Variants in EDN1 observed in about 807,000 individuals in gnomAD.
EDN1 encodes endothelin-1.
In EDN1, 11 loss-of-function variants were observed where a neutral mutation model predicts 21.7. The ratio of observed to expected loss-of-function variants is 0.51; its 90% confidence interval spans 0.32 to 0.84. The LOEUF is 0.84. Ranked by LOEUF, EDN1 falls within the 40% of genes least tolerant of loss-of-function variation. EDN1 has a pLI of 0.03. For missense variants in EDN1, 244 were observed against 262.3 expected (o/e 0.93, Z 0.48); for synonymous variants, 85 against 90.6 (o/e 0.94, Z 0.35).
chr6:12,251,662 T>C, the EDN1 span, among the ~76,000 whole-genome samples: 2 of 152,194 alleles, frequency 1.3e-5, no homozygotes, highest in Admixed American at 6.5e-5. Flanking sequence ...CAAAACTGGC[T>C]GAAATCTTTT....
chr6:12,286,646 G>T (rs1416133725), upstream of EDN1, among the ~76,000 whole-genome samples: 1 of 152,214 alleles, frequency 6.6e-6, no homozygotes, highest in East Asian at 1.9e-4. Context: ...TTACGCAAAA[G>T]TTGAGAAAGG....
chr6:12,291,502 A>T (rs897203813), intron 1 of EDN1, among the ~76,000 whole-genome samples: 1 of 152,152 alleles, frequency 6.6e-6, no homozygotes, highest in Non-Finnish European at 1.5e-5. Context: ...AAGAGAAAGG[A>T]TGTCAAGGGA....
intron 4 of EDN1, 138 bp downstream of exon 4, chr6:12,294,542 T>C: frequency 1.1e-6 from 1 of 936,508 alleles, no homozygotes. Flanking sequence ...AGAGGAGATC[T>C]ATGCATCCTA....
chr6:12,263,766 G>T, the EDN1 span, among the ~76,000 whole-genome samples: 1 of 152,014 alleles, frequency 6.6e-6, no homozygotes, highest in East Asian at 1.9e-4. Context: ...TTTCTGAGTG[G>T]CTTCTTAATT....
chr6:12,276,528 G>C, the EDN1 span, among the ~76,000 whole-genome samples: 1 of 152,222 alleles, frequency 6.6e-6, no homozygotes. Context: ...GGTGTAATAA[G>C]TGTTATGCAA....
At chr6:12,233,512 T>A in the EDN1 span, among the ~76,000 whole-genome samples, 2 of 152,082 alleles carry the variant, frequency 1.3e-5, no homozygotes, top group Non-Finnish European at 2.9e-5. Context: ...AACTGCAAAT[T>A]GGTTGCAAAG....
At chr6:12,282,998 A>G in the EDN1 span, among the ~76,000 whole-genome samples, 4 of 152,214 alleles carry the variant, frequency 2.6e-5, no homozygotes, top group African/African-American at 9.6e-5. Flanking sequence ...AATTTAAGAC[A>G]TGAATTTCCA....
In EDN1 at chr6:12,294,344, A is replaced by C; in HGVS notation, c.473A>C (p.Gln158Pro). Residue 158 changes from glutamine (Q) to proline (P), a missense_variant, in exon 4 of 5, where the codon CAG (glutamine) becomes CCG (proline). Physicochemically the swap from Gln to Pro is moderately conservative, Grantham distance 76. Coordinates refer to ENST00000379375, the MANE Select transcript of EDN1 (RefSeq NM_001955.5). ...CSKLGKKCIYQQLVRGRKIRR... is the reference protein window; with the variant it reads ...CSKLGKKCIYPQLVRGRKIRR... ...AAGCTTGGGAAAAAGTGTATTTATC[A>C]GCAGTTAGTGAGAGGAAGAAAAATC... 2.5e-6 allele frequency: 4 copies of C among 1,614,234 alleles called. No homozygotes were observed. Among genetic ancestry groups the C allele is most frequent in the Non-Finnish European group, 3.4e-6 (4 of 1,180,030 alleles).
intron 1 of EDN1, 99 bp from the exon 2 acceptor site, chr6:12,292,242 G>A: frequency 2.6e-6 from 4 of 1,545,118 alleles, no homozygotes; most frequent in Non-Finnish European, 3.5e-6. Context: ...TGCTTCATCT[G>A]CTTTTATCTG....
At chr6:12,274,939 CTCCTTCCTTCCT>C in the EDN1 span, among the ~76,000 whole-genome samples, 13 of 135,452 alleles carry the variant, frequency 9.6e-5, no homozygotes, top group South Asian at 8.2e-4. Context: ...TTTCTTCCTT[CTCCTTCCTTCCT>C]TCCTTCCTTC....
chr6:12,279,390 G>C, the EDN1 span, among the ~76,000 whole-genome samples: 1 of 152,186 alleles, frequency 6.6e-6, no homozygotes, highest in Non-Finnish European at 1.5e-5. Context: ...CTCCACGCTA[G>C]ATAGCTGGTG....
At chr6:12,267,211 C>T in the EDN1 span, among the ~76,000 whole-genome samples, 2 of 152,102 alleles carry the variant, frequency 1.3e-5, no homozygotes, top group African/African-American at 4.8e-5. Flanking sequence ...ATCTCTGTGT[C>T]ACATTTTGGT....
chr6:12,251,869 A>G, the EDN1 span, among the ~76,000 whole-genome samples: 2 of 152,176 alleles, frequency 1.3e-5, no homozygotes, highest in Non-Finnish European at 2.9e-5. Context: ...TGCTAATCTC[A>G]GAATCCACCC....
the EDN1 span, among the ~76,000 whole-genome samples, chr6:12,269,905 G>T: frequency 6.6e-6 from 1 of 151,946 alleles, no homozygotes. Context: ...AAAAATGTTT[G>T]GTATAATACA....
At chr6:12,240,331 A>C in the EDN1 span, among the ~76,000 whole-genome samples, 13 of 152,216 alleles carry the variant, frequency 8.5e-5, no homozygotes, top group Non-Finnish European at 1.8e-4. Context: ...AGTTTTGCCC[A>C]GTGAGCAGGT....
chr6:12,246,037 A>C, the EDN1 span, among the ~76,000 whole-genome samples: 1 of 149,572 alleles, frequency 6.7e-6, no homozygotes, highest in Admixed American at 6.7e-5. Context: ...GAAGATCCTT[A>C]AAGAAATTGC....
the EDN1 span, among the ~76,000 whole-genome samples, chr6:12,258,449 CAAAAAAA>C: frequency 9.4e-5 from 6 of 63,658 alleles, no homozygotes; most frequent in Non-Finnish European, 1.8e-4. Context: ...GATCATGTCT[CAAAAAAA>C]AAAAAAAAAA....
At chr6:12,275,958 C>T in the EDN1 span, among the ~76,000 whole-genome samples, 46 of 152,004 alleles carry the variant, frequency 3.0e-4, 1 homozygote, top group East Asian at 4.8e-3. Flanking sequence ...GTCAGGAGAT[C>T]GAGACCATCC....
In EDN1 at chr6:12,290,476, C is replaced by G; in HGVS notation, c.-154C>G. 1.5e-6 allele frequency: 1 copy of G among 646,568 alleles called. No individual in the cohort carries two copies. The highest frequency in any genetic ancestry group is 1.7e-5 in the South Asian group (1 of 58,080). The allele number at this position is 646,568 out of a possible 1,614,324, so 40.1% of individuals were successfully genotyped here. A position where few individuals can be genotyped will look rare whatever the true frequency, so the allele number is the denominator to read the frequency against. The stretch of plus-strand genomic sequence containing the variant: ...GCTCGCTGCCTTCTCTCCTGGCAGG[C>G]GCTGCCTTTTCTCCCCGTTAAAAGG... On this transcript the variant is annotated 5_prime_UTR_variant, in exon 1 of 5. Coordinates refer to ENST00000379375, the MANE Select transcript of EDN1 (RefSeq NM_001955.5).
Sources: gnomAD v4.1 joint callset for allele counts (sites outside exome capture counted in the v4.1 genomes callset) on GRCh38, gnomAD v4.1.1 for gene constraint, MANE v1.5 for transcripts, NCBI Gene and HGNC (gene_info 2026-07-23, HGNC 2026-07-21) for gene names.